Variants in TOX2 observed in about 807,000 individuals in gnomAD.
The protein encoded by TOX2 is granulosa cell HMG box 1.
TOX2 carries 15 observed loss-of-function variants against 47.4 expected under a neutral mutation model. That is an observed-to-expected ratio of 0.32 (90% CI 0.21 to 0.49). The LOEUF (loss-of-function observed/expected upper bound fraction) is 0.49. TOX2 is among the 20% of genes least tolerant of loss of function. The pLI, the probability that TOX2 is intolerant of heterozygous loss-of-function variation, is 0.99. For missense variants in TOX2, 622 were observed against 673.1 expected, an observed-to-expected ratio of 0.92 and a Z score of 0.84; for synonymous variants, 290 against 296.6, an observed-to-expected ratio of 0.98 and a Z score of 0.23.
intron 3 of TOX2, among the ~76,000 whole-genome samples, chr20:44,048,180 G>T (rs2071442673): frequency 6.6e-6 from 1 of 151,892 alleles, no homozygotes; most frequent in South Asian, 2.1e-4. Flanking sequence ...AGCCGAGATA[G>T]CATCACTGCA....
intron 5 of TOX2, among the ~76,000 whole-genome samples, chr20:44,060,466 A>G (rs918108596): frequency 1.7e-4 from 26 of 152,176 alleles, no homozygotes; most frequent in Admixed American, 9.8e-4. Flanking sequence ...GTTCATCAGC[A>G]CATGGAACGT....
At chr20:44,023,967 C>T (rs2071019187) in intron 3 of TOX2, among the ~76,000 whole-genome samples, 1 of 152,156 alleles carries the variant, frequency 6.6e-6, no homozygotes, top group Admixed American at 6.5e-5. Context: ...TCCCTTAGCC[C>T]GTCCCCTCTC....
chr20:43,973,531 C>A, intron 2 of TOX2, 99 bp downstream of exon 2: 5 of 961,048 alleles, frequency 5.2e-6, no homozygotes, highest in South Asian at 2.7e-5. Flanking sequence ...ATGGGGCCAG[C>A]ACAGCCCGCT....
At chr20:43,945,819 G>A (rs2069459582) in intron 1 of TOX2, 3 of 1,544,330 alleles carry the variant, frequency 1.9e-6, no homozygotes, top group East Asian at 4.5e-5. Flanking sequence ...GGGGGTGGGG[G>A]TGCTGGGCCT....
rs150765502 is a variant in TOX2, at chr20:43,983,402, A to G, written c.165+9970A>G. 1.3e-3 allele frequency among the ~76,000 whole-genome samples: 196 copies of G among 152,172 alleles called. 2 individuals carry two copies. Among genetic ancestry groups the G allele is most frequent in the African/African-American group, 4.5e-3 (186 of 41,514 alleles). On this transcript the variant is annotated intron_variant, in intron 2 of 8. Transcript: ENST00000341197. ...GTTTCTCTCACCACTTGGATCAAGC[A>G]TCTCCCCACTAGGGTGGGGAGATGG... is the stretch of plus-strand genomic sequence containing the variant.
At chr20:44,064,964 A>T (rs2071786104) in intron 6 of TOX2, 107 bp downstream of exon 6, 9 of 989,890 alleles carry the variant, frequency 9.1e-6, no homozygotes, top group Non-Finnish European at 1.4e-5. Context: ...GGTCTTAGAA[A>T]GAATGGCTCA....
chr20:43,983,246 G>A (rs2070201119), intron 2 of TOX2, among the ~76,000 whole-genome samples: 2 of 152,124 alleles, frequency 1.3e-5, no homozygotes, highest in Admixed American at 6.5e-5. Context: ...GCTTCTCAGT[G>A]CCTCACACCA....
At chr20:43,923,644 G>C (rs1048009920) in intron 1 of TOX2, among the ~76,000 whole-genome samples, 1 of 152,194 alleles carries the variant, frequency 6.6e-6, no homozygotes, top group Admixed American at 6.5e-5. Flanking sequence ...ATGGAGCCCC[G>C]GTGTGGACAT....
At chr20:43,960,413 C>A (rs2069738134) in intron 1 of TOX2, among the ~76,000 whole-genome samples, 1 of 152,192 alleles carries the variant, frequency 6.6e-6, no homozygotes, top group Admixed American at 6.5e-5. Flanking sequence ...ATGGCCATCC[C>A]ATGTGGGGAT....
At chr20:43,945,716 C>T (rs142404231) in intron 1 of TOX2, 17 of 733,974 alleles carry the variant, frequency 2.3e-5, no homozygotes, top group African/African-American at 1.3e-4. Flanking sequence ...CCAGGAGCTC[C>T]GAACACGCAG....
intron 3 of TOX2, among the ~76,000 whole-genome samples, chr20:44,035,998 G>A (rs2071232714): frequency 6.6e-6 from 1 of 152,188 alleles, no homozygotes; most frequent in Non-Finnish European, 1.5e-5. Context: ...AACGGGGCTG[G>A]GCCTTTGAAC....
At chr20:43,955,271 A>T in intron 1 of TOX2, 1 of 985,482 alleles carries the variant, frequency 1.0e-6, no homozygotes. Context: ...GGATCTGTGC[A>T]TGTGAGTAGC....
At chr20:44,023,434 A>G (rs937017397) in intron 3 of TOX2, among the ~76,000 whole-genome samples, 5 of 151,158 alleles carry the variant, frequency 3.3e-5, no homozygotes, top group East Asian at 3.9e-4. Flanking sequence ...TATCTCAGAA[A>G]AAAAAAAAAA....
intron 2 of TOX2, among the ~76,000 whole-genome samples, chr20:44,006,183 C>T (rs2070675746): frequency 6.6e-6 from 1 of 152,190 alleles, no homozygotes; most frequent in Admixed American, 6.5e-5. Flanking sequence ...GACTGCTTTC[C>T]TCCCTGGACC....
intron 5 of TOX2, among the ~76,000 whole-genome samples, chr20:44,058,458 C>A (rs1421483898): frequency 6.6e-6 from 1 of 152,200 alleles, no homozygotes; most frequent in Non-Finnish European, 1.5e-5. Context: ...TAGCCTAAGA[C>A]AAAGGACATA....
chr20:44,029,251 A>G (rs1379866712), intron 3 of TOX2, among the ~76,000 whole-genome samples: 2 of 152,236 alleles, frequency 1.3e-5, no homozygotes, highest in Non-Finnish European at 2.9e-5. Flanking sequence ...AAGATAAGTC[A>G]CAAAGATTAG....
intron 3 of TOX2, among the ~76,000 whole-genome samples, chr20:44,023,100 G>A (rs114441050): frequency 1.2e-3 from 176 of 151,756 alleles, no homozygotes; most frequent in African/African-American, 4.0e-3. Flanking sequence ...GGAGGAAAGG[G>A]AAGAAAGAAG....
At position 43,949,287 on chromosome 20, in the gene TOX2, CT is replaced by C. The variant is rs370637508; in HGVS notation, c.100-24079del. 6.2e-4 allele frequency among the ~76,000 whole-genome samples: 95 copies of C among 152,332 alleles called. 1 individual carries two copies. Among genetic ancestry groups the C allele is most frequent in the African/African-American group, 2.2e-3 (93 of 41,568 alleles). On this transcript the variant is annotated intron_variant, in intron 1 of 8. Transcript: ENST00000341197. Reference sequence around the variant, plus strand: ...CTGTACCTTCAGGGTGCAATGACTTCTCCCCGCTTCACTATTACTTGTCACC... The same window carrying C: ...CTGTACCTTCAGGGTGCAATGACTTCCCCCGCTTCACTATTACTTGTCACC...
intron 2 of TOX2, among the ~76,000 whole-genome samples, chr20:43,981,510 A>C (rs2070168417): frequency 6.6e-6 from 1 of 152,124 alleles, no homozygotes; most frequent in Non-Finnish European, 1.5e-5. Context: ...ACATGCATGT[A>C]CCTCTGTGTG....
Sources: gnomAD v4.1 joint callset for allele counts (sites outside exome capture counted in the v4.1 genomes callset) on GRCh38, gnomAD v4.1.1 for gene constraint, MANE v1.5 for transcripts, NCBI Gene and HGNC (gene_info 2026-07-23, HGNC 2026-07-21) for gene names.